ATE1: variants seen among roughly 807,000 people sequenced by gnomAD.
ATE1 encodes the protein arginyl-tRNA--protein transferase 1.
Under a neutral mutation model 70.5 loss-of-function variants are expected in ATE1, and 36 were observed. That is an observed-to-expected ratio of 0.51 (90% CI 0.39 to 0.67). The LOEUF (loss-of-function observed/expected upper bound fraction) is 0.67, where lower values mean the gene tolerates loss of function less well. Among genes scored for constraint, ATE1 ranks in the 30% least tolerant of loss-of-function variants. ATE1 has a pLI of 0.00. For synonymous variants in ATE1, 232 were observed against 219.3 expected, an observed-to-expected ratio of 1.06 and a Z score of -0.51; for missense variants, 593 against 629.5, an observed-to-expected ratio of 0.94 and a Z score of 0.62.
At chr10:121,842,624 C>A (rs548605572) in intron 8 of ATE1, among the ~76,000 whole-genome samples, 2 of 152,098 alleles carry the variant, frequency 1.3e-5, no homozygotes, top group South Asian at 4.2e-4. Flanking sequence ...AGAATTATAC[C>A]ATGAACAAAA....
At chr10:121,868,037 T>C (rs1426126136) in intron 8 of ATE1, among the ~76,000 whole-genome samples, 2 of 152,214 alleles carry the variant, frequency 1.3e-5, no homozygotes, top group Non-Finnish European at 2.9e-5. Context: ...CTTTAGTGTA[T>C]GTGACCAAAC....
At chr10:121,832,763 G>A (rs921471143) in intron 10 of ATE1, among the ~76,000 whole-genome samples, 3 of 152,102 alleles carry the variant, frequency 2.0e-5, no homozygotes, top group South Asian at 2.1e-4. Flanking sequence ...GCGTGAAAAC[G>A]GACTAATACT....
Position 121,743,753 on chromosome 10 carries a change from T to C in ATE1, c.1484A>G (p.Glu495Gly). ...YKKQQKDPSEEAAVLQYASLV... is the reference protein window; with the variant it reads ...YKKQQKDPSEGAAVLQYASLV... Reference sequence around the variant, plus strand: ...GCTGGCGTACTGCAGAACAGCAGCCTCCTCACTTGGGTCTTTCTGCTGTTT... The same window carrying C: ...GCTGGCGTACTGCAGAACAGCAGCCCCCTCACTTGGGTCTTTCTGCTGTTT... Residue 495 changes from glutamate (E) to glycine (G), a missense_variant, in exon 12 of 12, where the codon GAG becomes GGG. Physicochemically the swap from Glu to Gly is moderately conservative, Grantham distance 98. Transcript: ENST00000224652. 1 of 1,614,078 alleles carries C rather than the reference T, an allele frequency of 6.2e-7. No homozygotes were observed. Among genetic ancestry groups the C allele is most frequent in the Non-Finnish European group, 8.5e-7 (1 of 1,180,020 alleles).
At chr10:121,793,097 A>T (rs918542847) in intron 10 of ATE1, among the ~76,000 whole-genome samples, 2 of 152,180 alleles carry the variant, frequency 1.3e-5, no homozygotes, top group African/African-American at 4.8e-5. Context: ...GCATTTTTTT[A>T]AAAAAGGCAA....
chr10:121,807,689 G>C (rs1947152549), intron 10 of ATE1, among the ~76,000 whole-genome samples: 1 of 152,196 alleles, frequency 6.6e-6, no homozygotes, highest in South Asian at 2.1e-4. Flanking sequence ...GTAAGCAAAA[G>C]AGTGGGTGAG....
chr10:121,752,196 CAA>C (rs369377308), intron 11 of ATE1, among the ~76,000 whole-genome samples: 1 of 100,246 alleles, frequency 1.0e-5, no homozygotes, highest in Non-Finnish European at 2.0e-5. Flanking sequence ...GACTCTGTCT[CAA>C]AAAAAAAAAG....
Position 121,899,944 on chromosome 10 carries a change from A to C in ATE1, c.864T>G (p.Leu288=). 1 of 1,614,102 alleles carries C rather than the reference A, an allele frequency of 6.2e-7. No homozygotes were observed. Among genetic ancestry groups the C allele is most frequent in the African/African-American group, 1.3e-5 (1 of 75,050 alleles). The stretch of plus-strand genomic sequence containing the variant: ...GTTTATAGACCTGGTAAGACTCCAG[A>C]AGTGTGGCTTTGAACTGCGAACTTG... ...SPPSSQFKAT[L]LESYQVYKRY... is the part of the protein sequence containing the mutation. The change falls in exon 7 of 12, where the codon CTT becomes CTG. Residue 288 remains leucine, a synonymous_variant. Transcript: ENST00000224652.
intron 10 of ATE1, among the ~76,000 whole-genome samples, chr10:121,820,018 C>T (rs1279334810): frequency 6.6e-6 from 1 of 151,786 alleles, no homozygotes; most frequent in Admixed American, 6.6e-5. Flanking sequence ...TGGTGGAATG[C>T]GCCTGTAATT....
At chr10:121,822,367 G>T (rs1323993099) in intron 10 of ATE1, among the ~76,000 whole-genome samples, 1 of 152,174 alleles carries the variant, frequency 6.6e-6, no homozygotes, top group African/African-American at 2.4e-5. Context: ...GAGAACAGTG[G>T]TTACCTTGGG....
intron 8 of ATE1, among the ~76,000 whole-genome samples, chr10:121,861,310 T>G (rs1390720533): frequency 1.3e-5 from 2 of 152,124 alleles, no homozygotes; most frequent in African/African-American, 4.8e-5. Context: ...TTTTTTATTC[T>G]AAATGTACTT....
chr10:121,921,779 C>G (rs563001224), intron 3 of ATE1, among the ~76,000 whole-genome samples: 3 of 152,290 alleles, frequency 2.0e-5, no homozygotes, highest in Admixed American at 6.5e-5. Flanking sequence ...TAGCCCACCC[C>G]CTTCTGTGAA....
At chr10:121,762,293 C>T (rs911226964) in intron 11 of ATE1, among the ~76,000 whole-genome samples, 1 of 152,176 alleles carries the variant, frequency 6.6e-6, no homozygotes, top group East Asian at 1.9e-4. Flanking sequence ...TCTAGGTCCT[C>T]CTCTCATTGC....
At chr10:121,928,320 G>A (rs766186318), upstream of ATE1, 13 of 1,512,536 alleles carry the variant, frequency 8.6e-6, no homozygotes, top group South Asian at 9.9e-5. Flanking sequence ...CGGCGGCCGC[G>A]CCAACTCCGG....
intron 11 of ATE1, among the ~76,000 whole-genome samples, chr10:121,767,552 A>G (rs2135844096): frequency 6.6e-6 from 1 of 152,362 alleles, no homozygotes; most frequent in Non-Finnish European, 1.5e-5. Context: ...AGATCACCAC[A>G]TAGAAACTAG....
At chr10:121,858,437 T>C (rs537852276) in intron 8 of ATE1, among the ~76,000 whole-genome samples, 1 of 151,962 alleles carries the variant, frequency 6.6e-6, no homozygotes, top group South Asian at 2.1e-4. Context: ...GCTGAACAAA[T>C]GACAAACATT....
At chr10:121,830,927 C>G (rs1948211142) in intron 10 of ATE1, among the ~76,000 whole-genome samples, 1 of 151,916 alleles carries the variant, frequency 6.6e-6, no homozygotes, top group South Asian at 2.1e-4. Context: ...ACATTGAGTC[C>G]CAGATTGTCT....
chr10:121,912,767 C>G (rs1298235660), intron 4 of ATE1, among the ~76,000 whole-genome samples: 3 of 149,470 alleles, frequency 2.0e-5, no homozygotes, highest in Admixed American at 6.6e-5. Flanking sequence ...TTGGTGGAGA[C>G]AGAGTCTTGC....
chr10:121,922,409 C>A lies in ATE1; in HGVS notation c.173G>T (p.Ser58Ile). The stretch of plus-strand genomic sequence containing the variant: ...GACAGGTTTGTACACATATTTTCCA[C>A]TTCTAAAATTATAAAAATAGTTTGT... ...QDLIDRGWRRSGKYVYKPVMN... is the reference protein window; with the variant it reads ...QDLIDRGWRRIGKYVYKPVMN... Residue 58 changes from serine to isoleucine, a missense_variant and splice_region_variant, in exon 3 of 12, where the codon AGT (serine) becomes ATT (isoleucine). Physicochemically the swap from Ser to Ile is moderately radical, Grantham distance 142. Around this residue, in one of 3 missense-constraint regions of ATE1, gnomAD observed 467 missense variants for 469.6 expected, o/e 0.99. Coordinates refer to ENST00000224652, the MANE Select transcript of ATE1 (RefSeq NM_001001976.3). 1 of 1,588,380 alleles carries A rather than the reference C, an allele frequency of 6.3e-7. No individual in the cohort carries two copies. The highest frequency in any genetic ancestry group is 8.6e-7 in the Non-Finnish European group (1 of 1,159,458).
At chr10:121,840,871 T>C (rs1948602631) in intron 9 of ATE1, among the ~76,000 whole-genome samples, 1 of 150,884 alleles carries the variant, frequency 6.6e-6, no homozygotes, top group Non-Finnish European at 1.5e-5. Flanking sequence ...AAATTATATA[T>C]AAGTATATAT....
Sources: allele counts gnomAD v4.1 joint callset (sites outside exome capture counted in the v4.1 genomes callset), GRCh38; gene constraint gnomAD v4.1.1; regional missense constraint gnomAD v4.1.1; transcripts MANE v1.5; gene names NCBI Gene and HGNC (gene_info 2026-07-23, HGNC 2026-07-21).